Variants in ADAM19 observed in about 807,000 individuals in gnomAD.
ADAM19 encodes ADAM metallopeptidase domain 19.
ADAM19 carries 65 observed loss-of-function variants against 114.7 expected under a neutral mutation model. That is an observed-to-expected ratio of 0.57 (90% CI 0.46 to 0.70). The LOEUF is 0.70. Ranked by LOEUF, ADAM19 falls within the 30% of genes least tolerant of loss-of-function variation. The probability of loss-of-function intolerance (pLI) is 0.00; values close to 1 mark genes in which losing one functional copy is unlikely to be tolerated. For missense variants in ADAM19, 1,063 were observed against 1,204.7 expected (o/e 0.88, Z 1.74); for synonymous variants, 466 against 460.5 (o/e 1.01, Z -0.15).
intron 3 of ADAM19, among the ~76,000 whole-genome samples, chr5:157,538,748 G>A (rs1756835826): frequency 6.6e-6 from 1 of 152,124 alleles, no homozygotes; most frequent in South Asian, 2.1e-4. Flanking sequence ...CTCACCAAAG[G>A]CCAGGCAACT....
chr5:157,491,900 C>T lies in ADAM19; in HGVS notation c.1921G>A (p.Gly641Arg). ...AAGAAGGAGGTGTTCCTGCACTGCC[C>T]CTCAAAGCAAATCTGCACGGAGAGA... ...KCGYNHICFE[G>R]QCRNTSFFET... Residue 641 changes from glycine to arginine, a missense_variant, in exon 17 of 23, where the codon GGG becomes AGG. Transcript: ENST00000257527. The T allele has an allele frequency of 1.9e-6, 3 of 1,614,170 alleles. No individual in the cohort carries two copies. The highest frequency in any genetic ancestry group is 2.2e-5 in the East Asian group (1 of 44,872).
chr5:157,482,078 G>A (rs1424507016), intron 21 of ADAM19, 135 bp from the exon 22 acceptor site: 1 of 713,458 alleles, frequency 1.4e-6, no homozygotes, highest in East Asian at 2.8e-5. Context: ...GAAACTGTAT[G>A]TATAATGTGT....
rs867792918 is a variant in ADAM19 at position 157,496,941 on chromosome 5, C to T, written c.1547G>A (p.Gly516Asp). The T allele has an allele frequency of 1.3e-6, 2 of 1,596,498 alleles. No homozygotes were observed. The highest frequency in any genetic ancestry group is 1.1e-5 in the South Asian group (1 of 88,038). Residue 516 changes from glycine to aspartate, a missense_variant, in exon 14 of 23, where the codon GGC becomes GAC. Coordinates refer to ENST00000257527, the MANE Select transcript of ADAM19 (RefSeq NM_033274.5). ...CEGGQAYCYN[G>D]MCLTYQEQCQ... ...CTGCTCCTGGTAGGTGAGGCACATG[C>T]CGTTGTAGCAGTAGGCCTGGCCGCC...
intron 3 of ADAM19, among the ~76,000 whole-genome samples, chr5:157,547,387 T>A (rs192592480): frequency 4.6e-5 from 7 of 152,312 alleles, no homozygotes; most frequent in South Asian, 2.1e-4. Context: ...GTAGGCCTCA[T>A]GAGGAGTGAT....
At position 157,575,648 on chromosome 5, in the gene ADAM19, G is replaced by A. The variant is rs899412410; in HGVS notation, c.49C>T (p.Leu17=). 3.5e-6 allele frequency: 5 copies of A among 1,418,828 alleles called. No homozygotes were observed. The highest frequency in any genetic ancestry group is 4.6e-6 in the Non-Finnish European group (5 of 1,093,558). 87.9% of individuals were successfully genotyped at this position (1,418,828 alleles called of 1,614,324 possible). A position where few individuals can be genotyped will look rare whatever the true frequency, so the allele number is the denominator to read the frequency against. The change falls in exon 1 of 23, where the codon CTG becomes TTG. Residue 17 remains leucine, a synonymous_variant. Transcript: ENST00000257527. Reference sequence around the variant, plus strand: ...GCCGCCCGCGGCCGGAGGGGCTGCAGGGCAAACGCCAGCAAGCAGAGCCGG... The same window carrying A: ...GCCGCCCGCGGCCGGAGGGGCTGCAAGGCAAACGCCAGCAAGCAGAGCCGG... ...AARLCLLAFA[L]QPLRPRAARE...
chr5:157,480,742 A>G lies in ADAM19; in HGVS notation c.*207T>C. On this transcript the variant is annotated 3_prime_UTR_variant, in exon 23 of 23. Coordinates refer to ENST00000257527, the MANE Select transcript of ADAM19 (RefSeq NM_033274.5). ...GTATATTGCACAAAACAACACCTAG[A>G]GGCCATCAGATCATAGTCCCTCTGG... The G allele has an allele frequency of 7.0e-7, 1 of 1,421,340 alleles. No individual in the cohort carries two copies. The highest frequency in any genetic ancestry group is 1.5e-5 in the South Asian group (1 of 66,004). 88.0% of individuals were successfully genotyped at this position (1,421,340 alleles called of 1,614,324 possible).
chr5:157,488,078 T>C (rs1450677421), intron 21 of ADAM19, among the ~76,000 whole-genome samples, 187 bp downstream of exon 21: 1 of 152,130 alleles, frequency 6.6e-6, no homozygotes, highest in Non-Finnish European at 1.5e-5. Context: ...TTTAGGAGCT[T>C]CTTAGAGAGT....
chr5:157,490,891 C>CAAAAA (rs34600745), intron 18 of ADAM19, among the ~76,000 whole-genome samples: 1 of 110,328 alleles, frequency 9.1e-6, no homozygotes, highest in African/African-American at 3.6e-5. Flanking sequence ...GACTCCGTCT[C>CAAAAA]AAAAAAAAAA....
chr5:157,490,992 A>AC (rs1024528246), intron 18 of ADAM19, among the ~76,000 whole-genome samples: 21 of 152,218 alleles, frequency 1.4e-4, no homozygotes, highest in Admixed American at 1.2e-3. Context: ...CATCAAAACT[A>AC]CCCCAATATT....
chr5:157,556,521 A>C (rs903132504), intron 3 of ADAM19, among the ~76,000 whole-genome samples: 1 of 151,888 alleles, frequency 6.6e-6, no homozygotes, highest in African/African-American at 2.4e-5. Flanking sequence ...GCCCGGCCTC[A>C]AGATCTTTAA....
rs532388484 is a variant in ADAM19, at chr5:157,509,238, G to T, written c.905+63C>A. The stretch of plus-strand genomic sequence containing the variant: ...TCGCCATGGGGCAAACTCTGAGCAT[G>T]TGCTGGGTGGGCAGAGGCTTTGCAG... On this transcript the variant is annotated intron_variant, in intron 9 of 22. Transcript: ENST00000257527. 6.5e-5 allele frequency: 97 copies of T among 1,502,132 alleles called. 1 individual carries two copies. The African/African-American group carries it at 1.3e-3, about 20-fold the overall frequency. The allele number at this position is 1,502,132 out of a possible 1,614,324, so 93.1% of individuals were successfully genotyped here. A position where few individuals can be genotyped will look rare whatever the true frequency, so the allele number is the denominator to read the frequency against.
Position 157,481,851 on chromosome 5 carries a change from TG to T in ADAM19, c.2642del (p.Pro881HisfsTer33). On this transcript the variant is annotated frameshift_variant, in exon 22 of 23. Transcript: ENST00000257527. LOFTEE classifies it high-confidence loss of function. ...RSLPRPGGAS[P>X]LRPPGAGPQQ... ...GAGGGCCAGCACCAGGGGGCCGCAG[TG>T]GGGATGCACCTCCTGGCCTGGGGAG... is the stretch of plus-strand genomic sequence containing the variant. 1 of 1,590,396 alleles carries T rather than the reference TG, an allele frequency of 6.3e-7. No homozygotes were observed. The highest frequency in any genetic ancestry group is 1.1e-5 in the South Asian group (1 of 87,372).
chr5:157,497,899 A>G (rs1264981278), intron 13 of ADAM19, among the ~76,000 whole-genome samples: 3 of 152,222 alleles, frequency 2.0e-5, no homozygotes, highest in African/African-American at 7.2e-5. Flanking sequence ...GGTTGCCCCA[A>G]ATCACACAAC....
chr5:157,546,945 C>T (rs1242477140), intron 3 of ADAM19, among the ~76,000 whole-genome samples: 2 of 152,132 alleles, frequency 1.3e-5, no homozygotes, highest in African/African-American at 4.8e-5. Context: ...TAGAGAGGTC[C>T]CCAATGAAGC....
rs1244722904 is a variant in ADAM19, at chr5:157,481,899, G to C, written c.2595C>G (p.Asn865Lys). Reference protein sequence around the residue: ...PRPPQKALPANPVPGRRSLPR... With the variant: ...PRPPQKALPAKPVPGRRSLPR... ...GGAGGCTCCTGCGGCCTGGCACTGG[G>C]TTTGCCGGGAGTGCCTTCTGGGGCG... Residue 865 changes from asparagine (N) to lysine (K), a missense_variant, in exon 22 of 23, where the codon AAC (asparagine) becomes AAG (lysine). Physicochemically the swap from Asn to Lys is moderately conservative, Grantham distance 94. This residue lies in a region of ADAM19 where 424 missense variants were observed against 445.5 expected (regional missense o/e 0.95). Transcript: ENST00000257527. 4 of 1,605,276 alleles carry C rather than the reference G, an allele frequency of 2.5e-6. No homozygotes were observed. The highest frequency in any genetic ancestry group is 3.4e-6 in the Non-Finnish European group (4 of 1,175,790).
chr5:157,479,320 C>T lies in ADAM19; in HGVS notation c.*1629G>A. Reference sequence around the variant, plus strand: ...TTGTGTGCAGAGAACTATAAGGAGGCCCTGGGGTGGTGAATCAGAAGCTCA... The same window carrying T: ...TTGTGTGCAGAGAACTATAAGGAGGTCCTGGGGTGGTGAATCAGAAGCTCA... On this transcript the variant is annotated 3_prime_UTR_variant, in exon 23 of 23. Transcript: ENST00000257527. 1.0e-6 allele frequency: 1 copy of T among 985,936 alleles called. No homozygotes were observed. Among genetic ancestry groups the T allele is most frequent in the African/African-American group, 1.7e-5 (1 of 57,316 alleles). The allele number at this position is 985,936 out of a possible 1,614,324, so 61.1% of individuals were successfully genotyped here. A position where few individuals can be genotyped will look rare whatever the true frequency, so the allele number is the denominator to read the frequency against.
intron 1 of ADAM19, among the ~76,000 whole-genome samples, chr5:157,575,018 A>G (rs1228875476): frequency 2.0e-5 from 3 of 152,156 alleles, no homozygotes; most frequent in African/African-American, 7.2e-5. Context: ...CTTGGCCTTC[A>G]GTAGGGCTCC....
At chr5:157,514,454 G>C (rs1756032716) in intron 7 of ADAM19, among the ~76,000 whole-genome samples, 1 of 151,758 alleles carries the variant, frequency 6.6e-6, no homozygotes, top group Non-Finnish European at 1.5e-5. Context: ...AGCCTCCTGA[G>C]TAGCTGGGAT....
chr5:157,490,082 T>C (rs1261246439), intron 19 of ADAM19, among the ~76,000 whole-genome samples: 2 of 152,192 alleles, frequency 1.3e-5, no homozygotes, highest in African/African-American at 4.8e-5. Context: ...GTTGGGGATA[T>C]TCTGCTGAGA....
Sources: gnomAD v4.1 joint callset for allele counts (sites outside exome capture counted in the v4.1 genomes callset) on GRCh38, gnomAD v4.1.1 for gene constraint, gnomAD v4.1.1 regional missense constraint, MANE v1.5 for transcripts, NCBI Gene and HGNC (gene_info 2026-07-23, HGNC 2026-07-21) for gene names.